The following BANK1 variants were observed in gnomAD, a reference collection of about 807,000 sequenced individuals.
BANK1 encodes the protein B cell scaffold protein with ankyrin repeats 1.
BANK1 carries 95 observed loss-of-function variants against 94.5 expected under a neutral mutation model. The ratio of observed to expected loss-of-function variants is 1.00; its 90% confidence interval spans 0.85 to 1.19. The LOEUF is 1.19. Ranked by LOEUF, BANK1 falls within the 50% of genes most tolerant of loss-of-function variation. The probability of loss-of-function intolerance (pLI) is 0.00; values close to 1 mark genes in which losing one functional copy is unlikely to be tolerated. For synonymous variants in BANK1, 334 were observed against 308.4 expected, an observed-to-expected ratio of 1.08 and a Z score of -0.87; for missense variants, 987 against 932.2, an observed-to-expected ratio of 1.06 and a Z score of -0.77.
chr4:101,822,530 C>T (rs13136219), intron 1 of BANK1, among the ~76,000 whole-genome samples: 68,337 of 151,594 alleles, frequency 0.45, 16,377 homozygotes, highest in African/African-American at 0.63. Flanking sequence ...ATTTGTAGTA[C>T]ATTATAGTTT....
intron 8 of BANK1, among the ~76,000 whole-genome samples, chr4:102,023,561 A>G (rs1222707941): frequency 6.6e-6 from 1 of 152,176 alleles, no homozygotes; most frequent in African/African-American, 2.4e-5. Flanking sequence ...AGTCTCTTTC[A>G]TGAGTGAGAG....
chr4:102,018,101 TC>T (rs531058395), intron 7 of BANK1, among the ~76,000 whole-genome samples: 46 of 152,320 alleles, frequency 3.0e-4, no homozygotes, highest in African/African-American at 8.9e-4. Flanking sequence ...AATGTGCCCT[TC>T]AAGTTTTGTT....
At chr4:102,003,633 CT>C (rs918967903) in intron 7 of BANK1, among the ~76,000 whole-genome samples, 8 of 151,964 alleles carry the variant, frequency 5.3e-5, no homozygotes, top group African/African-American at 1.7e-4. Flanking sequence ...CACTTGTGCC[CT>C]TTTTTTAGTC....
intron 6 of BANK1, among the ~76,000 whole-genome samples, chr4:101,897,879 T>A (rs1290434207): frequency 6.6e-6 from 1 of 151,856 alleles, no homozygotes; most frequent in Non-Finnish European, 1.5e-5. Flanking sequence ...GAAAAAAATA[T>A]TACCCTCTCT....
At chr4:101,943,767 A>T (rs564480140) in intron 7 of BANK1, among the ~76,000 whole-genome samples, 1 of 151,906 alleles carries the variant, frequency 6.6e-6, no homozygotes, top group Non-Finnish European at 1.5e-5. Flanking sequence ...ATTTTGAAAA[A>T]CCATAAGATA....
At chr4:102,012,579 C>T (rs1251144735) in intron 7 of BANK1, among the ~76,000 whole-genome samples, 1 of 152,082 alleles carries the variant, frequency 6.6e-6, no homozygotes, top group Non-Finnish European at 1.5e-5. Flanking sequence ...TGTCAAATAA[C>T]ACTTATCTAA....
intron 7 of BANK1, among the ~76,000 whole-genome samples, chr4:102,007,957 C>G (rs984924274): frequency 2.0e-5 from 3 of 152,194 alleles, no homozygotes; most frequent in Admixed American, 2.0e-4. Context: ...TTACCACCAA[C>G]ATAAATTTTT....
At chr4:101,927,408 A>G (rs1043605984) in intron 7 of BANK1, among the ~76,000 whole-genome samples, 1 of 151,610 alleles carries the variant, frequency 6.6e-6, no homozygotes, top group Non-Finnish European at 1.5e-5. Context: ...GGTGGGGACA[A>G]AGAGCCAAAC....
intron 7 of BANK1, among the ~76,000 whole-genome samples, chr4:102,021,299 T>G (rs557832023): frequency 3.9e-5 from 6 of 152,238 alleles, no homozygotes; most frequent in African/African-American, 1.2e-4. Flanking sequence ...GGTTTTATTT[T>G]TAAAGCAATT....
intron 6 of BANK1, among the ~76,000 whole-genome samples, chr4:101,910,600 A>G (rs1560628784): frequency 6.7e-6 from 1 of 149,890 alleles, no homozygotes; most frequent in Admixed American, 6.7e-5. Context: ...AGGCTGAGGC[A>G]GGAGAATCAC....
intron 1 of BANK1, among the ~76,000 whole-genome samples, chr4:101,808,711 C>A (rs1725643591): frequency 6.6e-6 from 1 of 151,606 alleles, no homozygotes; most frequent in South Asian, 2.1e-4. Flanking sequence ...TAGACAGTTA[C>A]CAAAAGAAGA....
intron 11 of BANK1, among the ~76,000 whole-genome samples, chr4:102,045,477 A>G (rs945114702): frequency 5.9e-5 from 9 of 152,150 alleles, no homozygotes; most frequent in East Asian, 1.9e-4. Flanking sequence ...AGGGTATTCA[A>G]TTGGGAAAAA....
intron 1 of BANK1, among the ~76,000 whole-genome samples, chr4:101,824,527 G>C (rs1726290602): frequency 6.6e-6 from 1 of 152,166 alleles, no homozygotes; most frequent in Admixed American, 6.5e-5. Context: ...TGTTGTACTA[G>C]AAATAACAGT....
chr4:101,928,762 C>T (rs1030750612), intron 7 of BANK1, among the ~76,000 whole-genome samples: 8 of 151,630 alleles, frequency 5.3e-5, no homozygotes, highest in African/African-American at 1.7e-4. Context: ...TATTGGACCA[C>T]GTCGCTAAAT....
chr4:101,807,718 G>A (rs1578328259), intron 1 of BANK1, among the ~76,000 whole-genome samples: 1 of 152,086 alleles, frequency 6.6e-6, no homozygotes, highest in African/African-American at 2.4e-5. Flanking sequence ...TTACAAGCAG[G>A]AAATCTAGGC....
At chr4:101,982,260 A>C (rs1356779032) in intron 7 of BANK1, among the ~76,000 whole-genome samples, 1 of 151,372 alleles carries the variant, frequency 6.6e-6, no homozygotes, top group Non-Finnish European at 1.5e-5. Flanking sequence ...ATTTTAATCT[A>C]TATAATAAAA....
intron 7 of BANK1, among the ~76,000 whole-genome samples, chr4:101,933,784 T>G (rs745909022): frequency 1.3e-5 from 2 of 151,428 alleles, no homozygotes; most frequent in Non-Finnish European, 3.0e-5. Flanking sequence ...GTCAGGGCAG[T>G]AAACAGCTCT....
At chr4:101,986,699 T>C (rs1426709008) in intron 7 of BANK1, among the ~76,000 whole-genome samples, 1 of 151,006 alleles carries the variant, frequency 6.6e-6, no homozygotes. Context: ...TGAAGCTCTA[T>C]ATTTCATGTC....
At chr4:102,044,906 G>T (rs575628318) in intron 11 of BANK1, among the ~76,000 whole-genome samples, 59 of 130,412 alleles carry the variant, frequency 4.5e-4, no homozygotes, top group East Asian at 3.8e-3. Flanking sequence ...AAATTTGTTT[G>T]AGTTCATTGT....
Sources: allele counts gnomAD v4.1 joint callset (sites outside exome capture counted in the v4.1 genomes callset), GRCh38; gene constraint gnomAD v4.1.1; transcripts MANE v1.5; gene names NCBI Gene and HGNC (gene_info 2026-07-23, HGNC 2026-07-21).